NPSR1: variants seen among roughly 807,000 people sequenced by gnomAD.
NPSR1 encodes neuropeptide S receptor.
Under a neutral mutation model 46.9 loss-of-function variants are expected in NPSR1, and 48 were observed. That is an observed-to-expected ratio of 1.02 (90% CI 0.81 to 1.30). NPSR1 has a LOEUF of 1.30. NPSR1 is among the 50% of genes most tolerant of loss of function. NPSR1 has a pLI of 0.00. For missense variants in NPSR1, 450 were observed against 449.5 expected, an observed-to-expected ratio of 1.00 and a Z score of -0.01; for synonymous variants, 176 against 168.1, an observed-to-expected ratio of 1.05 and a Z score of -0.36.
At chr7:34,758,832 C>CA (rs1004130332) in intron 2 of NPSR1, among the ~76,000 whole-genome samples, 27 of 152,288 alleles carry the variant, frequency 1.8e-4, no homozygotes, top group South Asian at 6.2e-4. Context: ...CTTTTTAGCA[C>CA]AAAAAACCCC....
intron 2 of NPSR1, among the ~76,000 whole-genome samples, chr7:34,693,068 G>A (rs1438564491): frequency 6.6e-6 from 1 of 152,056 alleles, no homozygotes; most frequent in Non-Finnish European, 1.5e-5. Context: ...ATCTGGTGTT[G>A]CACCCCCCTG....
intron 1 of NPSR1, among the ~76,000 whole-genome samples, chr7:34,681,003 T>C (rs1192051269): frequency 6.6e-6 from 1 of 151,990 alleles, no homozygotes; most frequent in Non-Finnish European, 1.5e-5. Flanking sequence ...GATTACTAAG[T>C]AATGTGTATG....
At chr7:34,729,596 T>C (rs1191928536) in intron 2 of NPSR1, among the ~76,000 whole-genome samples, 1 of 152,120 alleles carries the variant, frequency 6.6e-6, no homozygotes, top group African/African-American at 2.4e-5. Context: ...AGATTGTTTT[T>C]GAAAAATCAT....
intron 2 of NPSR1, chr7:34,710,666 G>T (rs113870116): frequency 0.011 from 2,319 of 210,986 alleles, 23 homozygotes; most frequent in Non-Finnish European, 0.015. Context: ...TACAGGAGTA[G>T]GTTCATAAAT....
intron 2 of NPSR1, 65 bp from the exon 3 acceptor site, chr7:34,778,397 C>A: frequency 1.0e-6 from 1 of 961,092 alleles, no homozygotes; most frequent in Non-Finnish European, 1.6e-6. Flanking sequence ...TGTGGCTTAG[C>A]TGCAAATTTG....
chr7:34,708,959 A>C (rs1371751210), intron 2 of NPSR1, among the ~76,000 whole-genome samples: 1 of 152,086 alleles, frequency 6.6e-6, no homozygotes, highest in East Asian at 1.9e-4. Flanking sequence ...CTAGGAGAGG[A>C]TAATGAGGCT....
chr7:34,811,899 A>G lies in NPSR1; in HGVS notation c.478+36A>G, dbSNP rs542725241. On this transcript the variant is annotated intron_variant, in intron 4 of 8. Coordinates refer to ENST00000360581, the MANE Select transcript of NPSR1 (RefSeq NM_207172.2). The stretch of plus-strand genomic sequence containing the variant: ...TTTACCAGGTGCTCTTTCATAAAGA[A>G]CTGTCCTTGAGTGAGGGTAGGATCA... 163 of 1,391,930 alleles carry G rather than the reference A, an allele frequency of 1.2e-4. 1 individual carries two copies. The South Asian group carries it at 1.8e-3, about 15-fold the overall frequency. The allele number at this position is 1,391,930 out of a possible 1,614,324, so 86.2% of individuals were successfully genotyped here.
intron 1 of NPSR1, among the ~76,000 whole-genome samples, chr7:34,677,068 C>T (rs1792355286): frequency 6.6e-6 from 1 of 152,218 alleles, no homozygotes; most frequent in South Asian, 2.1e-4. Context: ...GAATGATTTC[C>T]AATTCACTGA....
chr7:34,778,401 A>C (rs1787075336), intron 2 of NPSR1, 61 bp from the exon 3 acceptor site: 2 of 1,042,278 alleles, frequency 1.9e-6, no homozygotes, highest in Admixed American at 2.3e-5. Context: ...GCTTAGCTGC[A>C]AATTTGAAAA....
At chr7:34,835,275 A>G (rs1023575366) in intron 6 of NPSR1, among the ~76,000 whole-genome samples, 1 of 152,228 alleles carries the variant, frequency 6.6e-6, no homozygotes, top group African/African-American at 2.4e-5. Flanking sequence ...TCATATACAC[A>G]AATACACACA....
chr7:34,673,268 C>T (rs773875517), intron 1 of NPSR1, among the ~76,000 whole-genome samples: 3 of 152,134 alleles, frequency 2.0e-5, no homozygotes, highest in African/African-American at 7.2e-5. Context: ...TCCTTGTCTT[C>T]GCCTCCCTTT....
downstream of NPSR1, among the ~76,000 whole-genome samples, chr7:34,852,091 A>G (rs1790947593): frequency 6.6e-6 from 1 of 152,092 alleles, no homozygotes; most frequent in African/African-American, 2.4e-5. Context: ...AGGCCAGGAG[A>G]TCGAGACCAT....
At chr7:34,814,827 G>T (rs1438565735) in intron 4 of NPSR1, among the ~76,000 whole-genome samples, 2 of 152,194 alleles carry the variant, frequency 1.3e-5, no homozygotes, top group Non-Finnish European at 2.9e-5. Flanking sequence ...TGAGGGACCT[G>T]ACTGTTACAA....
At chr7:34,865,991 C>T (rs996693214) in intron 8 of NPSR1, among the ~76,000 whole-genome samples, 2 of 151,818 alleles carry the variant, frequency 1.3e-5, no homozygotes, top group Non-Finnish European at 2.9e-5. Flanking sequence ...ACCTTCCTTC[C>T]CTGCCTTTAT....
intron 2 of NPSR1, among the ~76,000 whole-genome samples, chr7:34,705,935 T>A (rs1448018009): frequency 1.7e-5 from 1 of 58,808 alleles, no homozygotes; most frequent in Non-Finnish European, 3.4e-5. Flanking sequence ...TTGGGTAGTA[T>A]TTTTTTTTTC....
chr7:34,694,933 C>T (rs1196388793), intron 2 of NPSR1, among the ~76,000 whole-genome samples: 1 of 152,194 alleles, frequency 6.6e-6, no homozygotes, highest in Non-Finnish European at 1.5e-5. Context: ...TGGTCTTGAT[C>T]TCTTGACCTT....
At chr7:34,844,778 A>C in intron 6 of NPSR1, 118 bp from the exon 7 acceptor site, 1 of 726,508 alleles carries the variant, frequency 1.4e-6, no homozygotes. Context: ...CCATCTGGGC[A>C]TAAATGCACA....
chr7:34,789,732 G>T, intron 3 of NPSR1, among the ~76,000 whole-genome samples: 1 of 109,208 alleles, frequency 9.2e-6, no homozygotes, highest in Admixed American at 1.2e-4. Flanking sequence ...GGCAGAAGTT[G>T]CAGTGCGCAA....
chr7:34,708,967 G>A (rs1438934157), intron 2 of NPSR1, among the ~76,000 whole-genome samples: 2 of 152,086 alleles, frequency 1.3e-5, no homozygotes, highest in Admixed American at 6.6e-5. Context: ...GGATAATGAG[G>A]CTCAGAGAGG....
Sources: allele counts gnomAD v4.1 joint callset (sites outside exome capture counted in the v4.1 genomes callset), GRCh38; gene constraint gnomAD v4.1.1; transcripts MANE v1.5; gene names NCBI Gene and HGNC (gene_info 2026-07-23, HGNC 2026-07-21).